The following GRM5 variants were observed in gnomAD, a reference collection of about 807,000 sequenced individuals.
GRM5 encodes the protein glutamate metabotropic receptor 5, also known as metabotropic glutamate receptor 5.
GRM5 carries 19 observed loss-of-function variants against 83.1 expected under a neutral mutation model. That is an observed-to-expected ratio of 0.23 (90% CI 0.16 to 0.34). The LOEUF (loss-of-function observed/expected upper bound fraction) is 0.34. Among genes scored for constraint, GRM5 ranks in the 10% least tolerant of loss-of-function variants. The pLI is 1.00. For synonymous variants in GRM5, 675 were observed against 633.6 expected, an observed-to-expected ratio of 1.07 and a Z score of -0.98; for missense variants, 1,160 against 1,588.3, an observed-to-expected ratio of 0.73 and a Z score of 4.58.
chr11:88,965,828 T>C (rs1035362253), intron 2 of GRM5, among the ~76,000 whole-genome samples: 1 of 152,170 alleles, frequency 6.6e-6, no homozygotes, highest in Non-Finnish European at 1.5e-5. Context: ...CACTCCTCAG[T>C]AATTCACAGA....
chr11:88,655,365 G>A (rs1392717466), intron 3 of GRM5, among the ~76,000 whole-genome samples: 4 of 152,128 alleles, frequency 2.6e-5, no homozygotes, highest in South Asian at 2.1e-4. Flanking sequence ...CAGCATGGGC[G>A]TGTTGCAAAT....
intron 3 of GRM5, among the ~76,000 whole-genome samples, chr11:88,797,346 T>C (rs1943300590): frequency 6.6e-6 from 1 of 152,148 alleles, no homozygotes; most frequent in Non-Finnish European, 1.5e-5. Context: ...TTCACCATGT[T>C]GATCAGGCTG....
intron 2 of GRM5, among the ~76,000 whole-genome samples, chr11:89,031,466 T>C (rs1364195830): frequency 6.6e-6 from 1 of 151,916 alleles, no homozygotes; most frequent in Admixed American, 6.6e-5. Context: ...AAAAAGACTC[T>C]GAGGGCTCCC....
chr11:88,945,998 G>A (rs1360753338), intron 2 of GRM5, among the ~76,000 whole-genome samples: 1 of 151,954 alleles, frequency 6.6e-6, no homozygotes, highest in Non-Finnish European at 1.5e-5. Flanking sequence ...TCTGACAAAA[G>A]TCTAGTATCC....
intron 3 of GRM5, among the ~76,000 whole-genome samples, chr11:88,760,907 G>T (rs1422134218): frequency 1.3e-5 from 2 of 152,034 alleles, no homozygotes; most frequent in Non-Finnish European, 2.9e-5. Flanking sequence ...TTCAAGGGAT[G>T]CAAACCAATA....
At chr11:88,590,895 A>G (rs1235233852) in intron 6 of GRM5, among the ~76,000 whole-genome samples, 168 bp from the exon 7 acceptor site, 1 of 152,210 alleles carries the variant, frequency 6.6e-6, no homozygotes, top group African/African-American at 2.4e-5. Context: ...ATTAAAGAAA[A>G]TAAGGCTGAG....
intron 2 of GRM5, among the ~76,000 whole-genome samples, chr11:88,999,134 C>T (rs984959601): frequency 1.3e-5 from 2 of 152,092 alleles, no homozygotes; most frequent in Admixed American, 6.6e-5. Context: ...CCATCAAAAC[C>T]CTAGAAGAAA....
intron 4 of GRM5, among the ~76,000 whole-genome samples, chr11:88,652,296 T>A (rs1401299039): frequency 6.6e-6 from 1 of 151,988 alleles, no homozygotes. Context: ...CAAAAAAAAA[T>A]CCTTTGTCAA....
chr11:88,797,029 A>G (rs1161448173), intron 3 of GRM5, among the ~76,000 whole-genome samples: 1 of 151,998 alleles, frequency 6.6e-6, no homozygotes, highest in African/African-American at 2.4e-5. Flanking sequence ...TTGCTGTTGA[A>G]TTAATGTATA....
intron 3 of GRM5, among the ~76,000 whole-genome samples, chr11:88,725,224 C>T (rs567026212): frequency 2.0e-5 from 3 of 152,230 alleles, no homozygotes; most frequent in African/African-American, 7.2e-5. Flanking sequence ...ATTATCAAGG[C>T]TTGAGTAGGT....
intron 4 of GRM5, among the ~76,000 whole-genome samples, chr11:88,634,244 T>C (rs1404598377): frequency 6.6e-6 from 1 of 152,186 alleles, no homozygotes; most frequent in Non-Finnish European, 1.5e-5. Context: ...TATGACTTTA[T>C]AAACAATACA....
At chr11:88,983,907 T>A (rs1269939904) in intron 2 of GRM5, among the ~76,000 whole-genome samples, 3 of 152,102 alleles carry the variant, frequency 2.0e-5, no homozygotes, top group Non-Finnish European at 4.4e-5. Flanking sequence ...AATGTGTGTG[T>A]TTCTATCTCA....
At chr11:88,735,280 C>T (rs1353350036) in intron 3 of GRM5, among the ~76,000 whole-genome samples, 1 of 152,026 alleles carries the variant, frequency 6.6e-6, no homozygotes, top group Non-Finnish European at 1.5e-5. Flanking sequence ...TTCTCTGGCA[C>T]TTTGTGGTCA....
intron 2 of GRM5, among the ~76,000 whole-genome samples, chr11:88,961,401 C>A (rs2134985490): frequency 6.6e-6 from 1 of 151,502 alleles, no homozygotes; most frequent in Admixed American, 6.6e-5. Flanking sequence ...CACTGGCGAA[C>A]CCAAAGAGAC....
At chr11:88,720,838 G>GTGCC (rs1475694678) in intron 3 of GRM5, among the ~76,000 whole-genome samples, 1 of 149,604 alleles carries the variant, frequency 6.7e-6, no homozygotes, top group Non-Finnish European at 1.5e-5. Context: ...GTGTGTGTGT[G>GTGCC]TGTGTGCCTG....
intron 2 of GRM5, among the ~76,000 whole-genome samples, chr11:88,946,135 A>T (rs1938277446): frequency 6.6e-6 from 1 of 151,988 alleles, no homozygotes; most frequent in South Asian, 2.1e-4. Context: ...CATGAAAAAA[A>T]TTATCATCGC....
Position 88,588,190 on chromosome 11 carries a change from T to C in GRM5, c.1690+2411A>G, listed in dbSNP as rs192606912. On this transcript the variant is annotated intron_variant, in intron 7 of 9. Transcript: ENST00000305447. Reference sequence around the variant, plus strand: ...CTCCTTTGTTGTTTTAAAGAAGTGTTAGACAAAGCATTGTTTGCAAAATCT... The same window carrying C: ...CTCCTTTGTTGTTTTAAAGAAGTGTCAGACAAAGCATTGTTTGCAAAATCT... Among the ~76,000 whole-genome samples, 409 of 152,304 alleles carry C rather than the reference T, an allele frequency of 2.7e-3. 2 individuals carry two copies. The highest frequency in any genetic ancestry group is 2.2e-3 in the Non-Finnish European group (151 of 68,022).
chr11:88,798,820 A>AAAC (rs370481526), intron 3 of GRM5, among the ~76,000 whole-genome samples: 30,135 of 136,140 alleles, frequency 0.22, 3,700 homozygotes, highest in South Asian at 0.45. Flanking sequence ...AAAAAAAAAA[A>AAAC]AAAAAAACAA....
At chr11:88,513,515 A>G (rs1941438992) in intron 9 of GRM5, among the ~76,000 whole-genome samples, 3 of 152,214 alleles carry the variant, frequency 2.0e-5, no homozygotes, top group Non-Finnish European at 4.4e-5. Context: ...TATTTAAAAA[A>G]TTTCATTAAA....
Sources: allele counts gnomAD v4.1 joint callset (sites outside exome capture counted in the v4.1 genomes callset), GRCh38; gene constraint gnomAD v4.1.1; transcripts MANE v1.5; gene names NCBI Gene and HGNC (gene_info 2026-07-23, HGNC 2026-07-21).